Variants in NTN4 observed in about 807,000 individuals in gnomAD.
NTN4 encodes netrin 4, also known as netrin-4.
In NTN4, 32 loss-of-function variants were observed where a neutral mutation model predicts 73.6. The ratio of observed to expected loss-of-function variants is 0.44; its 90% CI spans 0.33 to 0.58. The LOEUF is 0.58. Ranked by LOEUF, NTN4 falls within the 20% of genes least tolerant of loss-of-function variation. NTN4 has a pLI of 0.04. For missense variants in NTN4, 654 were observed against 798.3 expected (o/e 0.82, Z 2.18); for synonymous variants, 258 against 287.5 (o/e 0.90, Z 1.04).
intron 3 of NTN4, among the ~76,000 whole-genome samples, chr12:95,735,323 C>T (rs573178620): frequency 3.4e-4 from 51 of 152,150 alleles, no homozygotes; most frequent in African/African-American, 1.2e-3. Flanking sequence ...TAGTCTTGGC[C>T]ACTTAGGCTG....
At chr12:95,710,208 A>C (rs1320353604) in intron 5 of NTN4, among the ~76,000 whole-genome samples, 1 of 152,172 alleles carries the variant, frequency 6.6e-6, no homozygotes. Context: ...TATAGGAAAT[A>C]ATTTTACTTT....
chr12:95,787,503 A>G (rs925818103), intron 1 of NTN4, 35 bp from the exon 2 acceptor site: 2 of 1,594,724 alleles, frequency 1.3e-6, no homozygotes, highest in African/African-American at 1.3e-5. Flanking sequence ...TGCAAGACAA[A>G]CCCATCTGGA....
chr12:95,746,631 A>G (rs180716780), intron 2 of NTN4, among the ~76,000 whole-genome samples: 2 of 152,188 alleles, frequency 1.3e-5, no homozygotes, highest in Non-Finnish European at 2.9e-5. Context: ...GAGAAGGACT[A>G]TCTGCAAATC....
chr12:95,718,501 T>G (rs1025522575), intron 3 of NTN4, among the ~76,000 whole-genome samples: 9 of 152,224 alleles, frequency 5.9e-5, no homozygotes, highest in African/African-American at 2.2e-4. Context: ...TTCTATGATT[T>G]CAAGGCCTGT....
chr12:95,699,894 C>CATTATCTG (rs1263285950), intron 5 of NTN4, among the ~76,000 whole-genome samples: 1 of 152,040 alleles, frequency 6.6e-6, no homozygotes, highest in Non-Finnish European at 1.5e-5. Flanking sequence ...CTTTCTTTTC[C>CATTATCTG]ATTTTCTGAT....
chr12:95,669,401 G>A (rs1354592492), intron 8 of NTN4, among the ~76,000 whole-genome samples: 1 of 152,094 alleles, frequency 6.6e-6, no homozygotes, highest in African/African-American at 2.4e-5. Flanking sequence ...TATACAGAGA[G>A]GGTGGGGAAG....
At position 95,713,228 on chromosome 12, in the gene NTN4, A is replaced by C. The variant is rs755143580; in HGVS notation, c.975T>G (p.Ala325=). Residue 325 remains alanine, a synonymous_variant, in exon 4 of 10, where the codon GCT becomes GCG. Coordinates refer to ENST00000343702, the MANE Select transcript of NTN4 (RefSeq NM_021229.4). Reference sequence around the variant, plus strand: ...GTTACTTACTTCTGCACTCGTTGGGAGCCCCCGTTTTGCCATCAGCTGCCT... The same window carrying C: ...GTTACTTACTTCTGCACTCGTTGGGCGCCCCCGTTTTGCCATCAGCTGCCT... ...PWEAADGKTG[A]PNECRTCKCN... 28 of 1,604,516 alleles carry C rather than the reference A, an allele frequency of 1.7e-5. No homozygotes were observed. In the Admixed American group the frequency reaches 4.4e-4, roughly 25 times the overall value.
intron 2 of NTN4, among the ~76,000 whole-genome samples, chr12:95,775,043 C>T (rs2079081758): frequency 6.6e-6 from 1 of 152,236 alleles, no homozygotes; most frequent in Admixed American, 6.5e-5. Context: ...GCAGATTACT[C>T]ATGAGTAATA....
At chr12:95,767,989 A>ATGCATAGG (rs2079031574) in intron 2 of NTN4, among the ~76,000 whole-genome samples, 1 of 152,130 alleles carries the variant, frequency 6.6e-6, no homozygotes. Context: ...TCTCCAACAC[A>ATGCATAGG]CTATTTAGTG....
chr12:95,746,078 T>C (rs560276913), intron 2 of NTN4, among the ~76,000 whole-genome samples: 1 of 152,278 alleles, frequency 6.6e-6, no homozygotes, highest in Admixed American at 6.5e-5. Flanking sequence ...CCTGAATTGA[T>C]TCTCCCTTAG....
Position 95,741,299 on chromosome 12 carries a change from A to G in NTN4, c.586-3155T>C, listed in dbSNP as rs991876238. On this transcript the variant is annotated intron_variant, in intron 2 of 9. Coordinates refer to ENST00000343702, the MANE Select transcript of NTN4 (RefSeq NM_021229.4). ...ATGATAAAGTTTAATTTATAAATGAATTATATATGATATATAATTATATAT... is the reference window on the plus strand; with the variant it reads ...ATGATAAAGTTTAATTTATAAATGAGTTATATATGATATATAATTATATAT... 2.0e-5 allele frequency among the ~76,000 whole-genome samples: 3 copies of G among 147,426 alleles called. No homozygotes were observed. In the East Asian group the frequency reaches 5.9e-4, roughly 29 times the overall value.
intron 3 of NTN4, among the ~76,000 whole-genome samples, chr12:95,727,417 A>G (rs1361917493): frequency 2.0e-5 from 3 of 152,174 alleles, no homozygotes; most frequent in Admixed American, 1.3e-4. Context: ...TTGATGCACA[A>G]AAGTTTTTCA....
Position 95,790,175 on chromosome 12 carries a change from TC to T in NTN4, c.55+79del. ...AGCGCTCTGCGCTCGCAGCCCTGGC[TC>T]CCCTGCACCCCCGAGTCCCGAGATG... is the stretch of plus-strand genomic sequence containing the variant. On this transcript the variant is annotated intron_variant, in intron 1 of 9. Coordinates refer to ENST00000343702, the MANE Select transcript of NTN4 (RefSeq NM_021229.4). The surrounding 1 kb of genome is among the most constrained non-coding windows in gnomAD (Gnocchi z 6.5). 1 of 1,289,222 alleles carries T rather than the reference TC, an allele frequency of 7.8e-7. No homozygotes were observed. Among genetic ancestry groups the T allele is most frequent in the Non-Finnish European group, 1.1e-6 (1 of 943,082 alleles). The allele number at this position is 1,289,222 out of a possible 1,614,324, so 79.9% of individuals were successfully genotyped here.
chr12:95,678,760 G>A (rs1252232923), intron 7 of NTN4, among the ~76,000 whole-genome samples: 1 of 151,320 alleles, frequency 6.6e-6, no homozygotes, highest in Non-Finnish European at 1.5e-5. Flanking sequence ...CAAAGTCGCT[G>A]GATACAAGCT....
intron 2 of NTN4, among the ~76,000 whole-genome samples, chr12:95,764,126 C>T (rs10777725): frequency 0.56 from 85,196 of 152,108 alleles, 24,130 homozygotes; most frequent in East Asian, 0.68. Flanking sequence ...GGCAGACTAG[C>T]AGTCAAGGCT....
Position 95,787,484 on chromosome 12 carries a change from C to T in NTN4, c.56-16G>A, listed in dbSNP as rs2079178188. 1.2e-6 allele frequency: 2 copies of T among 1,609,600 alleles called. No individual in the cohort carries two copies. Among genetic ancestry groups the T allele is most frequent in the Non-Finnish European group, 1.7e-6 (2 of 1,178,010 alleles). ...CCACTCAGTCCTAAGAAAGGGAAAG[C>T]ATGCATGATGCAAGACAAACCCATC... On this transcript the variant is annotated splice_polypyrimidine_tract_variant and intron_variant, in intron 1 of 9. Coordinates refer to ENST00000343702, the MANE Select transcript of NTN4 (RefSeq NM_021229.4).
rs1241448718 is a variant in NTN4, at chr12:95,790,490, GC to G, written c.-182del. 4.1e-6 allele frequency: 2 copies of G among 483,234 alleles called. No homozygotes were observed. Among genetic ancestry groups the G allele is most frequent in the East Asian group, 7.3e-5 (2 of 27,340 alleles). 29.9% of individuals were successfully genotyped at this position (483,234 alleles called of 1,614,324 possible). ...GCTGGGAGCCAGGGGCCGGGACCGC[GC>G]GGGGAGGTGGGGTGACCCTCGCGCA... is the stretch of plus-strand genomic sequence containing the variant. On this transcript the variant is annotated 5_prime_UTR_variant, in exon 1 of 10. An upstream open reading frame in the 5' UTR loses its in-frame stop. Coordinates refer to ENST00000343702, the MANE Select transcript of NTN4 (RefSeq NM_021229.4). This position sits in a 1 kb window ranked among gnomAD's most constrained non-coding sequence, Gnocchi z 6.5.
At chr12:95,700,004 C>T (rs921623967) in intron 5 of NTN4, among the ~76,000 whole-genome samples, 2 of 148,134 alleles carry the variant, frequency 1.4e-5, no homozygotes, top group Non-Finnish European at 3.0e-5. Context: ...TGGTTGTTTC[C>T]TAAAAGGAGT....
chr12:95,773,122 G>A (rs1246093992), intron 2 of NTN4, among the ~76,000 whole-genome samples: 1 of 151,646 alleles, frequency 6.6e-6, no homozygotes, highest in African/African-American at 2.4e-5. Context: ...TCATGCCTCC[G>A]CCTCCCGAGT....
Sources: allele counts gnomAD v4.1 joint callset (sites outside exome capture counted in the v4.1 genomes callset), GRCh38; gene constraint gnomAD v4.1.1; non-coding constraint Gnocchi (gnomAD v3.1); transcripts MANE v1.5; gene names NCBI Gene and HGNC (gene_info 2026-07-23, HGNC 2026-07-21).